Variants in COL5A2 observed in about 807,000 individuals in gnomAD.
The protein encoded by COL5A2 is collagen type V alpha 2 chain, also known as collagen alpha-2(V) chain.
COL5A2 carries 23 observed loss-of-function variants against 208.2 expected under a neutral mutation model. The ratio of observed to expected loss-of-function variants is 0.11; its 90% CI spans 0.08 to 0.16. The LOEUF is 0.16. Ranked by LOEUF, COL5A2 falls within the 10% of genes least tolerant of loss-of-function variation. The probability of loss-of-function intolerance (pLI) is 1.00; values close to 1 mark genes in which losing one functional copy is unlikely to be tolerated. For missense variants in COL5A2, 1,590 were observed against 1,956.4 expected (o/e 0.81, Z 3.53); for synonymous variants, 625 against 628.5 (o/e 0.99, Z 0.08).
chr2:189,095,633 T>C (rs1309812308), intron 6 of COL5A2, among the ~76,000 whole-genome samples: 1 of 151,844 alleles, frequency 6.6e-6, no homozygotes, highest in East Asian at 1.9e-4. Context: ...GTGAGAAGGG[T>C]TGGGGAGTAG....
intron 2 of COL5A2, among the ~76,000 whole-genome samples, chr2:189,108,239 C>A (rs1161370227): frequency 1.3e-5 from 2 of 151,708 alleles, no homozygotes; most frequent in African/African-American, 4.8e-5. Flanking sequence ...CACATAAGTT[C>A]TTTGACAGTT....
chr2:189,257,357 G>C, the COL5A2 span, among the ~76,000 whole-genome samples: 3 of 152,074 alleles, frequency 2.0e-5, no homozygotes, highest in Non-Finnish European at 4.4e-5. Context: ...CAATTTGTGA[G>C]GTTCTAAAAT....
chr2:189,066,711 A>G lies in COL5A2; in HGVS notation c.1455+18T>C. The stretch of plus-strand genomic sequence containing the variant: ...ACAATACTATGTTCTACTTATCATT[A>G]AAACAATGAAACCTTACTGGTTCCC... On this transcript the variant is annotated intron_variant, in intron 22 of 53. Transcript: ENST00000374866. The G allele has an allele frequency of 6.2e-7, 1 of 1,604,722 alleles. No homozygotes were observed. Among genetic ancestry groups the G allele is most frequent in the South Asian group, 1.1e-5 (1 of 90,902 alleles).
intron 1 of COL5A2, among the ~76,000 whole-genome samples, chr2:189,140,636 T>C (rs576474519): frequency 6.6e-6 from 1 of 152,276 alleles, no homozygotes; most frequent in African/African-American, 2.4e-5. Context: ...GCTTTACATT[T>C]CCTTACTATT....
intron 1 of COL5A2, among the ~76,000 whole-genome samples, chr2:189,167,469 T>C (rs1024187686): frequency 1.3e-5 from 2 of 152,162 alleles, no homozygotes; most frequent in Admixed American, 6.5e-5. Flanking sequence ...TTCTAAGTAC[T>C]GTATAAGGAA....
At chr2:189,296,449 A>AT in the COL5A2 span, among the ~76,000 whole-genome samples, 1 of 152,084 alleles carries the variant, frequency 6.6e-6, no homozygotes, top group Non-Finnish European at 1.5e-5. Context: ...CTAGTGACCA[A>AT]TTTTTCTCTT....
chr2:189,418,123 T>A, the COL5A2 span, among the ~76,000 whole-genome samples: 5 of 152,058 alleles, frequency 3.3e-5, no homozygotes, highest in Non-Finnish European at 7.4e-5. Context: ...AACTCACCAA[T>A]AATGAACAGC....
chr2:189,114,782 G>T (rs1439193036), intron 1 of COL5A2, among the ~76,000 whole-genome samples: 2 of 151,676 alleles, frequency 1.3e-5, no homozygotes, highest in Non-Finnish European at 2.9e-5. Flanking sequence ...TGGGCTGATG[G>T]GTGCAGCAAA....
At chr2:189,077,956 GAA>G (rs1178380747) in intron 16 of COL5A2, among the ~76,000 whole-genome samples, 1 of 152,168 alleles carries the variant, frequency 6.6e-6, no homozygotes, top group African/African-American at 2.4e-5. Flanking sequence ...ATTGCGAAAA[GAA>G]TAATTAGAAT....
At chr2:189,305,335 C>G in the COL5A2 span, among the ~76,000 whole-genome samples, 1 of 152,212 alleles carries the variant, frequency 6.6e-6, no homozygotes, top group Non-Finnish European at 1.5e-5. Context: ...ATCGCCAATG[C>G]AGGAGTATTA....
chr2:189,258,669 G>A, the COL5A2 span, among the ~76,000 whole-genome samples: 14 of 152,278 alleles, frequency 9.2e-5, no homozygotes, highest in African/African-American at 3.1e-4. Context: ...TGGGAGACTT[G>A]TAATGTTAGA....
At chr2:189,358,409 A>C in the COL5A2 span, among the ~76,000 whole-genome samples, 1 of 152,322 alleles carries the variant, frequency 6.6e-6, no homozygotes, top group East Asian at 1.9e-4. Context: ...ATTGATTTTA[A>C]GAAATACATT....
chr2:189,186,964 T>C (rs2105840686), intron 1 of COL5A2, among the ~76,000 whole-genome samples: 1 of 152,346 alleles, frequency 6.6e-6, no homozygotes, highest in East Asian at 1.9e-4. Context: ...TTAATCTGAA[T>C]ACTTATATTT....
chr2:189,152,429 G>C lies in COL5A2; in HGVS notation c.97+27079C>G, dbSNP rs148414465. 6.2e-4 allele frequency among the ~76,000 whole-genome samples: 94 copies of C among 152,276 alleles called. 2 individuals are homozygous for C. Among genetic ancestry groups the C allele is most frequent in the Middle Eastern group, 6.8e-3 (2 of 294 alleles). On this transcript the variant is annotated intron_variant, in intron 1 of 53. Coordinates refer to ENST00000374866, the MANE Select transcript of COL5A2 (RefSeq NM_000393.5). ...GCATGGACAGATAATATGGTAAGTT[G>C]AAATGGCCATACACACAATGTATGT...
chr2:189,142,076 G>C (rs903553615), intron 1 of COL5A2, among the ~76,000 whole-genome samples: 1 of 151,964 alleles, frequency 6.6e-6, no homozygotes, highest in Non-Finnish European at 1.5e-5. Flanking sequence ...ACATTGTATA[G>C]ACTTGATAAG....
At chr2:189,252,849 TA>T in the COL5A2 span, among the ~76,000 whole-genome samples, 1 of 152,290 alleles carries the variant, frequency 6.6e-6, no homozygotes, top group African/African-American at 2.4e-5. Flanking sequence ...AAGTATATTT[TA>T]GTATAGCTGG....
chr2:189,336,770 A>G, the COL5A2 span, among the ~76,000 whole-genome samples: 1 of 152,334 alleles, frequency 6.6e-6, no homozygotes, highest in East Asian at 1.9e-4. Flanking sequence ...TATTGGTTTG[A>G]GTGGTGACTG....
the COL5A2 span, among the ~76,000 whole-genome samples, chr2:189,235,887 G>A: frequency 6.6e-6 from 1 of 151,374 alleles, no homozygotes; most frequent in Non-Finnish European, 1.5e-5. Context: ...GTGTCTCATT[G>A]TGCCCAAATG....
chr2:189,220,538 C>A (rs1202565856), intron 1 of COL5A2, among the ~76,000 whole-genome samples: 1 of 151,140 alleles, frequency 6.6e-6, no homozygotes, highest in Non-Finnish European at 1.5e-5. Context: ...TCCACATTAG[C>A]CAATATAAAA....
Sources: allele counts gnomAD v4.1 joint callset (sites outside exome capture counted in the v4.1 genomes callset), GRCh38; gene constraint gnomAD v4.1.1; transcripts MANE v1.5; gene names NCBI Gene and HGNC (gene_info 2026-07-23, HGNC 2026-07-21).